LRRC9: variants seen among roughly 807,000 people sequenced by gnomAD.
LRRC9 encodes leucine rich repeat containing 9.
LRRC9 carries 122 observed loss-of-function variants against 63.2 expected under a neutral mutation model. The ratio of observed to expected loss-of-function variants is 1.93; its 90% CI spans 1.67 to 2.24. LRRC9 has a LOEUF of 2.24. Ranked by LOEUF, LRRC9 falls within the 30% of genes most tolerant of loss-of-function variation. The pLI, the probability that LRRC9 is intolerant of heterozygous loss-of-function variation, is 0.00. For missense variants in LRRC9, 1,071 were observed against 627.7 expected (o/e 1.71, Z -7.55); for synonymous variants, 366 against 213.1 (o/e 1.72, Z -6.25).
intron 30 of LRRC9, among the ~76,000 whole-genome samples, chr14:60,056,193 G>T (rs1407185365): frequency 6.6e-6 from 1 of 152,134 alleles, no homozygotes; most frequent in Non-Finnish European, 1.5e-5. Flanking sequence ...ACAGGTTTTG[G>T]GAATTAGGAT....
chr14:60,022,425 T>C (rs1430224664), intron 26 of LRRC9, among the ~76,000 whole-genome samples: 1 of 151,806 alleles, frequency 6.6e-6, no homozygotes, highest in African/African-American at 2.4e-5. Context: ...CAGGATCATG[T>C]CATCTGAAAA....
At chr14:59,999,370 A>AT (rs1336306329) in intron 19 of LRRC9, 144 bp downstream of exon 19, 17 of 483,516 alleles carry the variant, frequency 3.5e-5, no homozygotes, top group Non-Finnish European at 5.8e-5. Context: ...ACCACTTGGT[A>AT]TTTTTTCTGT....
rs1466589313 is a variant in LRRC9 at position 60,001,877 on chromosome 14, T to A, written c.2530-89T>A. 7.0e-6 allele frequency: 3 copies of A among 429,508 alleles called. No individual in the cohort carries two copies. In the East Asian group the frequency reaches 1.0e-4, roughly 15 times the overall value. 26.6% of individuals were successfully genotyped at this position (429,508 alleles called of 1,614,324 possible). ...TTATAATTATTTATTGGGCCACTCA[T>A]CTTCCCTGGAAACAATAATTTTAAC... On this transcript the variant is annotated intron_variant, in intron 19 of 31. Coordinates refer to ENST00000445360, the Ensembl canonical transcript of LRRC9.
chr14:60,035,398 G>A (rs1258135511), intron 29 of LRRC9, among the ~76,000 whole-genome samples: 1 of 152,000 alleles, frequency 6.6e-6, no homozygotes, highest in Non-Finnish European at 1.5e-5. Context: ...CTGTGCTTTT[G>A]ATGTCTTACA....
chr14:59,995,229 G>A (rs910681301), intron 17 of LRRC9, among the ~76,000 whole-genome samples: 1 of 152,286 alleles, frequency 6.6e-6, no homozygotes, highest in African/African-American at 2.4e-5. Flanking sequence ...CTGCATGTCT[G>A]TCATTCACTA....
At chr14:59,972,093 GA>G (rs1308819801) in intron 12 of LRRC9, among the ~76,000 whole-genome samples, 3 of 151,980 alleles carry the variant, frequency 2.0e-5, no homozygotes, top group Non-Finnish European at 4.4e-5. Flanking sequence ...TATGCCAAGT[GA>G]CCCTAATGAA....
intron 8 of LRRC9, among the ~76,000 whole-genome samples, chr14:59,945,171 T>C (rs1418735565): frequency 2.0e-5 from 3 of 151,660 alleles, no homozygotes; most frequent in Non-Finnish European, 4.4e-5. Flanking sequence ...CCTTTCCTAA[T>C]AACACTAAGG....
chr14:60,018,847 C>G (rs1307959842), intron 25 of LRRC9, among the ~76,000 whole-genome samples: 1 of 151,760 alleles, frequency 6.6e-6, no homozygotes, highest in Non-Finnish European at 1.5e-5. Context: ...GTCTTTTCGA[C>G]TAAAAATTAT....
chr14:60,046,964 G>A (rs1202334417), intron 29 of LRRC9, among the ~76,000 whole-genome samples: 1 of 152,064 alleles, frequency 6.6e-6, no homozygotes, highest in African/African-American at 2.4e-5. Flanking sequence ...TCCTTGAAGA[G>A]GTCCTTCATA....
At chr14:60,036,378 A>G (rs1272900222) in intron 29 of LRRC9, among the ~76,000 whole-genome samples, 1 of 152,206 alleles carries the variant, frequency 6.6e-6, no homozygotes, top group Non-Finnish European at 1.5e-5. Context: ...GCTAAGAGGC[A>G]TTAGTGGTCA....
intron 8 of LRRC9, among the ~76,000 whole-genome samples, chr14:59,957,194 TCTC>T (rs1194173342): frequency 6.6e-6 from 1 of 152,172 alleles, no homozygotes; most frequent in Non-Finnish European, 1.5e-5. Flanking sequence ...GTGAGGAAGT[TCTC>T]CTGGATAATA....
rs1264580839 is a variant in LRRC9 at position 60,053,704 on chromosome 14, C to T, written c.4131+499C>T. The stretch of plus-strand genomic sequence containing the variant: ...TGTGTGTTTTGTTAGGATAATTGGG[C>T]TTTTTACTCAGGAGCCCTAAAATGT... On this transcript the variant is annotated intron_variant, in intron 30 of 31. Transcript: ENST00000445360. The surrounding 1 kb of genome is among the most constrained non-coding windows in gnomAD (Gnocchi z 4.8). Among the ~76,000 whole-genome samples, 1 of 151,990 alleles carries T rather than the reference C, an allele frequency of 6.6e-6. No individual in the cohort carries two copies. Among genetic ancestry groups the T allele is most frequent in the Non-Finnish European group, 1.5e-5 (1 of 67,998 alleles).
intron 8 of LRRC9, among the ~76,000 whole-genome samples, chr14:59,952,282 C>G (rs922629575): frequency 6.6e-5 from 10 of 152,204 alleles, no homozygotes; most frequent in African/African-American, 1.9e-4. Context: ...TCCGTCACGC[C>G]TTTCTTTGAC....
chr14:60,050,348 G>A (rs1291043275), intron 29 of LRRC9, among the ~76,000 whole-genome samples: 2 of 152,024 alleles, frequency 1.3e-5, no homozygotes, highest in African/African-American at 4.8e-5. Flanking sequence ...TTCACTGCCT[G>A]GTCTATTCTG....
At chr14:60,057,923 C>G in exon 31 of LRRC9, 1 of 689,384 alleles carries the variant, frequency 1.5e-6, no homozygotes, top group Non-Finnish European at 2.7e-6. Context: ...ATCATTTGGC[C>G]AAGTGAAAAC....
Position 59,963,382 on chromosome 14 carries a change from T to A in LRRC9, c.1211+2337T>A, listed in dbSNP as rs147072207. Among the ~76,000 whole-genome samples the A allele has an allele frequency of 8.9e-4, 135 of 152,262 alleles. 3 individuals are homozygous for A. The East Asian group carries it at 0.022, about 25-fold the overall frequency. The stretch of plus-strand genomic sequence containing the variant: ...ATTATAGATTTGTATTATTTACCGA[T>A]GTGTTGCCAATTGAGTTACCCATTG... On this transcript the variant is annotated intron_variant, in intron 10 of 31. Coordinates refer to ENST00000445360, the Ensembl canonical transcript of LRRC9.
At chr14:59,931,591 C>T (rs944427307) in intron 4 of LRRC9, 28 bp from the exon 5 acceptor site, 19 of 687,592 alleles carry the variant, frequency 2.8e-5, no homozygotes, top group Middle Eastern at 5.0e-4. Context: ...ATTATCTGTT[C>T]TAAATAATAT....
At chr14:60,025,182 C>T (rs1457022099) in intron 27 of LRRC9, among the ~76,000 whole-genome samples, 3 of 151,972 alleles carry the variant, frequency 2.0e-5, no homozygotes, top group African/African-American at 4.8e-5. Context: ...CCTCAACCTC[C>T]GGAGCCCAAG....
intron 3 of LRRC9, among the ~76,000 whole-genome samples, 199 bp downstream of exon 3, chr14:59,928,685 G>A (rs550456778): frequency 1.6e-4 from 24 of 151,836 alleles, no homozygotes; most frequent in Middle Eastern, 3.2e-3. Context: ...AGTAATCAAA[G>A]CAAATCAAAT....
Sources: gnomAD v4.1 joint callset for allele counts (sites outside exome capture counted in the v4.1 genomes callset) on GRCh38, gnomAD v4.1.1 for gene constraint, Gnocchi (gnomAD v3.1) non-coding constraint, MANE v1.5 for transcripts, NCBI Gene and HGNC (gene_info 2026-07-23, HGNC 2026-07-21) for gene names.